Variants in OPCML observed in about 807,000 individuals in gnomAD.
The protein encoded by OPCML is opioid-binding protein/cell adhesion molecule.
A neutral mutation model predicts 37.8 loss-of-function variants in OPCML; 13 were observed. The ratio of observed to expected loss-of-function variants is 0.34; its 90% confidence interval spans 0.22 to 0.55. The LOEUF (loss-of-function observed/expected upper bound fraction) is 0.55, where lower values mean the gene tolerates loss of function less well. Ranked by LOEUF, OPCML falls within the 20% of genes least tolerant of loss-of-function variation. The probability of loss-of-function intolerance (pLI) is 0.91; values close to 1 mark genes in which losing one functional copy is unlikely to be tolerated. For synonymous variants in OPCML, 176 were observed against 168.8 expected, an observed-to-expected ratio of 1.04 and a Z score of -0.33; for missense variants, 341 against 435.6, an observed-to-expected ratio of 0.78 and a Z score of 1.93.
chr11:132,759,594 G>A (rs755655029), intron 2 of OPCML, among the ~76,000 whole-genome samples: 1 of 152,106 alleles, frequency 6.6e-6, no homozygotes, highest in Non-Finnish European at 1.5e-5. Flanking sequence ...GTGTAGAGGT[G>A]TTTATAATAT....
Position 132,603,985 on chromosome 11 carries a change from T to C in OPCML, c.379+53102A>G, listed in dbSNP as rs193038801. On this transcript the variant is annotated intron_variant, in intron 3 of 7. Coordinates refer to ENST00000524381, the MANE Select transcript of OPCML (RefSeq NM_001012393.5). Reference sequence around the variant, plus strand: ...CTCTATCAGTGAACTTGCAAGGGGATGTAATCCACAAGAAAGCCAACTCCA... The same window carrying C: ...CTCTATCAGTGAACTTGCAAGGGGACGTAATCCACAAGAAAGCCAACTCCA... Among the ~76,000 whole-genome samples the C allele has an allele frequency of 1.6e-3, 237 of 152,318 alleles. 1 individual carries two copies. The highest frequency in any genetic ancestry group is 2.2e-3 in the Non-Finnish European group (149 of 68,020).
In OPCML at chr11:132,750,479, ACTTGT is replaced by A. The variant is rs1945794352; in HGVS notation, c.147-93165_147-93161del. 3.9e-5 allele frequency among the ~76,000 whole-genome samples: 6 copies of A among 152,192 alleles called. No individual in the cohort carries two copies. The East Asian group carries it at 1.2e-3, about 29-fold the overall frequency. ...CATTCCAAATAAAGGAAGGAAACAT[ACTTGT>A]CTTGGTAGGTATGGTGGCATGGGTG... On this transcript the variant is annotated intron_variant, in intron 2 of 7. Transcript: ENST00000524381.
chr11:133,126,127 G>A (rs1349009421), intron 1 of OPCML, among the ~76,000 whole-genome samples: 1 of 151,118 alleles, frequency 6.6e-6, no homozygotes, highest in Non-Finnish European at 1.5e-5. Flanking sequence ...ATAGAAATCG[G>A]CTCACATAGA....
At chr11:132,796,123 C>T (rs1024445227) in intron 2 of OPCML, among the ~76,000 whole-genome samples, 2 of 152,150 alleles carry the variant, frequency 1.3e-5, no homozygotes, top group Non-Finnish European at 2.9e-5. Flanking sequence ...TATGCAAGTA[C>T]TATGCCATTT....
intron 2 of OPCML, among the ~76,000 whole-genome samples, chr11:132,790,778 A>C (rs2853044): frequency 0.77 from 116,726 of 152,124 alleles, 45,837 homozygotes; most frequent in Non-Finnish European, 0.84. Flanking sequence ...CAGATGGGGC[A>C]CAGCTTGGAT....
At chr11:133,372,128 A>G (rs184197385) in intron 1 of OPCML, among the ~76,000 whole-genome samples, 2 of 152,308 alleles carry the variant, frequency 1.3e-5, no homozygotes, top group East Asian at 3.9e-4. Flanking sequence ...TAGAGTGACT[A>G]TGGTTAGCAA....
At chr11:132,535,851 A>C (rs2137332699) in intron 3 of OPCML, among the ~76,000 whole-genome samples, 1 of 152,320 alleles carries the variant, frequency 6.6e-6, no homozygotes, top group South Asian at 2.1e-4. Context: ...AGGTATGGGT[A>C]AAACTCTGAG....
chr11:132,806,731 A>T (rs1185527166), intron 2 of OPCML, among the ~76,000 whole-genome samples: 1 of 152,168 alleles, frequency 6.6e-6, no homozygotes, highest in African/African-American at 2.4e-5. Context: ...TGTAAGATCT[A>T]AACATGGTTG....
chr11:133,281,112 TAG>T (rs1251866369), intron 1 of OPCML, among the ~76,000 whole-genome samples: 2 of 152,168 alleles, frequency 1.3e-5, no homozygotes, highest in Non-Finnish European at 1.5e-5. Flanking sequence ...CCCCTCGCTC[TAG>T]AGACACTTTG....
chr11:133,028,560 T>TGAGAGA (rs148115731), intron 1 of OPCML, among the ~76,000 whole-genome samples: 2 of 146,556 alleles, frequency 1.4e-5, no homozygotes, highest in Non-Finnish European at 3.0e-5. Context: ...TGTGTACATG[T>TGAGAGA]GAGAGAGAGA....
chr11:132,847,872 C>T (rs1941623036), intron 2 of OPCML, among the ~76,000 whole-genome samples: 1 of 152,126 alleles, frequency 6.6e-6, no homozygotes, highest in Admixed American at 6.6e-5. Flanking sequence ...TGTACATAAG[C>T]ACCAGATGCT....
At chr11:133,054,761 C>T (rs1302669192) in intron 1 of OPCML, among the ~76,000 whole-genome samples, 1 of 152,236 alleles carries the variant, frequency 6.6e-6, no homozygotes, top group African/African-American at 2.4e-5. Context: ...AACATACTTC[C>T]AAGTGGCGAG....
chr11:133,171,601 T>G (rs184129476), intron 1 of OPCML, among the ~76,000 whole-genome samples: 1 of 152,340 alleles, frequency 6.6e-6, no homozygotes, highest in East Asian at 1.9e-4. Context: ...CTCGAACTGT[T>G]TGCTCTGTGT....
chr11:133,324,771 C>T (rs1161153472), intron 1 of OPCML, among the ~76,000 whole-genome samples: 1 of 152,154 alleles, frequency 6.6e-6, no homozygotes, highest in Non-Finnish European at 1.5e-5. Flanking sequence ...CCAATACTTT[C>T]TTGCCCACAG....
chr11:132,592,246 C>T (rs1361445906), intron 3 of OPCML, among the ~76,000 whole-genome samples: 2 of 152,158 alleles, frequency 1.3e-5, no homozygotes, highest in African/African-American at 4.8e-5. Flanking sequence ...GCGGGTATAT[C>T]GGCACAGGCC....
intron 1 of OPCML, among the ~76,000 whole-genome samples, chr11:133,264,104 A>G (rs1262886717): frequency 6.6e-6 from 1 of 152,236 alleles, no homozygotes; most frequent in Admixed American, 6.5e-5. Context: ...GAAAAACAGA[A>G]AGAAAAGTCA....
intron 2 of OPCML, among the ~76,000 whole-genome samples, chr11:132,761,229 C>G (rs1330251194): frequency 8.2e-6 from 1 of 122,672 alleles, no homozygotes; most frequent in Non-Finnish European, 1.7e-5. Context: ...CTGCGCTTAA[C>G]TTTTTTTTTT....
At chr11:133,293,259 T>G (rs1217507907) in intron 1 of OPCML, among the ~76,000 whole-genome samples, 2 of 152,200 alleles carry the variant, frequency 1.3e-5, no homozygotes, top group Admixed American at 1.3e-4. Context: ...TTTCAACCTT[T>G]ATTTTCTTTC....
chr11:132,764,066 T>A (rs1946356282), intron 2 of OPCML, among the ~76,000 whole-genome samples: 1 of 152,224 alleles, frequency 6.6e-6, no homozygotes, highest in Non-Finnish European at 1.5e-5. Flanking sequence ...AGATGTTCTT[T>A]AAGCTGCTGG....
Sources: allele counts gnomAD v4.1 joint callset (sites outside exome capture counted in the v4.1 genomes callset), GRCh38; gene constraint gnomAD v4.1.1; transcripts MANE v1.5; gene names NCBI Gene and HGNC (gene_info 2026-07-23, HGNC 2026-07-21).